The following DPP10 variants were observed in gnomAD, a reference collection of about 807,000 sequenced individuals.
DPP10 encodes the protein dipeptidyl peptidase like 10.
A neutral mutation model predicts 120.9 loss-of-function variants in DPP10; 33 were observed. The observed-to-expected ratio is 0.27, with a 90% CI of 0.21 to 0.37. DPP10 has a LOEUF of 0.37. Among genes scored for constraint, DPP10 ranks in the 10% least tolerant of loss-of-function variants. The pLI, the probability that DPP10 is intolerant of heterozygous loss-of-function variation, is 1.00. For synonymous variants in DPP10, 337 were observed against 326.1 expected (o/e 1.03, Z -0.36); for missense variants, 816 against 942.8 (o/e 0.87, Z 1.76).
chr2:115,166,524 AAT>A (rs561639756), intron 1 of DPP10, among the ~76,000 whole-genome samples: 1,569 of 142,120 alleles, frequency 0.011, 74 homozygotes, highest in African/African-American at 0.028. Context: ...TTATAATATA[AAT>A]ATATATATAA....
chr2:115,125,770 G>A (rs146287130), intron 1 of DPP10, among the ~76,000 whole-genome samples: 1,887 of 151,798 alleles, frequency 0.012, 34 homozygotes, highest in African/African-American at 0.043. Context: ...TTCTAATAGA[G>A]ACCGGGTTTC....
chr2:115,217,933 C>T (rs1192923124), intron 1 of DPP10, among the ~76,000 whole-genome samples: 1 of 152,160 alleles, frequency 6.6e-6, no homozygotes, highest in Non-Finnish European at 1.5e-5. Context: ...GCTCCCACGT[C>T]ATGCTCTGCT....
At chr2:115,533,028 T>A (rs899046615) in intron 5 of DPP10, among the ~76,000 whole-genome samples, 5 of 152,028 alleles carry the variant, frequency 3.3e-5, no homozygotes. Flanking sequence ...GAAATCAATT[T>A]TTTTAAAATT....
At chr2:115,242,765 A>G (rs1202051630) in intron 1 of DPP10, among the ~76,000 whole-genome samples, 1 of 149,638 alleles carries the variant, frequency 6.7e-6, no homozygotes, top group East Asian at 2.0e-4. Context: ...GTCATTAGTG[A>G]GATTGAGCAT....
chr2:115,077,324 A>T (rs933447340), intron 1 of DPP10, among the ~76,000 whole-genome samples: 3 of 152,202 alleles, frequency 2.0e-5, no homozygotes, highest in Non-Finnish European at 4.4e-5. Flanking sequence ...TTAAAAAGAT[A>T]AAAGAATTAT....
At chr2:115,738,997 C>T (rs577399489) in intron 8 of DPP10, among the ~76,000 whole-genome samples, 3 of 152,190 alleles carry the variant, frequency 2.0e-5, no homozygotes, top group African/African-American at 7.2e-5. Context: ...CTCCTATGAC[C>T]ATGAAGATGA....
chr2:115,701,624 T>A (rs1465386450), intron 7 of DPP10, among the ~76,000 whole-genome samples: 1 of 152,042 alleles, frequency 6.6e-6, no homozygotes, highest in Non-Finnish European at 1.5e-5. Context: ...AACTTAAAAC[T>A]TTTGTGCATC....
intron 1 of DPP10, among the ~76,000 whole-genome samples, chr2:114,501,592 G>A (rs959049597): frequency 5.9e-5 from 9 of 152,048 alleles, no homozygotes; most frequent in East Asian, 1.9e-4. Flanking sequence ...GAAATACCCC[G>A]TTAGCAATCC....
chr2:115,255,263 G>A lies in DPP10; in HGVS notation c.61-53976G>A, dbSNP rs189211548. Reference sequence around the variant, plus strand: ...CTTGGAGCTTGCAGCCTCTGTACCCGTGGCCTGAGCTGTACCTTGGTCCCT... The same window carrying A: ...CTTGGAGCTTGCAGCCTCTGTACCCATGGCCTGAGCTGTACCTTGGTCCCT... On this transcript the variant is annotated intron_variant, in intron 1 of 25. Coordinates refer to ENST00000410059, the MANE Select transcript of DPP10 (RefSeq NM_020868.6). Among the ~76,000 whole-genome samples, 682 of 152,282 alleles carry A rather than the reference G, an allele frequency of 4.5e-3. 10 individuals carry two copies. The highest frequency in any genetic ancestry group is 0.024 in the Admixed American group (365 of 15,300).
chr2:115,149,499 C>T (rs1232990627), intron 1 of DPP10, among the ~76,000 whole-genome samples: 2 of 152,122 alleles, frequency 1.3e-5, no homozygotes, highest in Non-Finnish European at 2.9e-5. Context: ...TAATTTTTAT[C>T]CTTATTGAAG....
At chr2:115,635,458 C>G (rs2086250753) in intron 5 of DPP10, among the ~76,000 whole-genome samples, 1 of 152,214 alleles carries the variant, frequency 6.6e-6, no homozygotes, top group Non-Finnish European at 1.5e-5. Flanking sequence ...CTTGCCCTGT[C>G]TGACTCCTAG....
chr2:115,519,769 C>G (rs986741011), intron 4 of DPP10, among the ~76,000 whole-genome samples: 1 of 152,130 alleles, frequency 6.6e-6, no homozygotes, highest in Non-Finnish European at 1.5e-5. Context: ...TCAACTAGAT[C>G]GTAATCTTTT....
At chr2:114,619,171 T>G (rs1693894582) in intron 1 of DPP10, among the ~76,000 whole-genome samples, 1 of 152,032 alleles carries the variant, frequency 6.6e-6, no homozygotes, top group Non-Finnish European at 1.5e-5. Flanking sequence ...TGGATTATGA[T>G]GAGGAAACAG....
chr2:115,506,254 T>C (rs1039928204), intron 4 of DPP10, among the ~76,000 whole-genome samples: 1 of 152,096 alleles, frequency 6.6e-6, no homozygotes, highest in East Asian at 1.9e-4. Flanking sequence ...TATATTAAAT[T>C]AGTATTTTAG....
intron 3 of DPP10, among the ~76,000 whole-genome samples, chr2:115,465,400 G>C (rs765295672): frequency 4.6e-5 from 7 of 152,122 alleles, no homozygotes; most frequent in Admixed American, 6.5e-5. Context: ...TGAGGAAGGA[G>C]AACTACTGAA....
At chr2:115,356,280 T>C (rs2064381854) in intron 3 of DPP10, among the ~76,000 whole-genome samples, 1 of 152,074 alleles carries the variant, frequency 6.6e-6, no homozygotes, top group Non-Finnish European at 1.5e-5. Context: ...CATCCCTAGT[T>C]AGCTATATTC....
chr2:115,223,511 T>C (rs2057284590), intron 1 of DPP10, among the ~76,000 whole-genome samples: 2 of 152,130 alleles, frequency 1.3e-5, no homozygotes, highest in East Asian at 1.9e-4. Context: ...ATAAGACATA[T>C]TTGGTTTGGC....
chr2:115,554,157 T>C (rs1218171809), intron 5 of DPP10, among the ~76,000 whole-genome samples: 2 of 151,896 alleles, frequency 1.3e-5, no homozygotes, highest in African/African-American at 4.8e-5. Context: ...CCTAGAATTT[T>C]GACCCTACAT....
At chr2:115,103,919 A>C (rs2104636446) in intron 1 of DPP10, among the ~76,000 whole-genome samples, 1 of 152,264 alleles carries the variant, frequency 6.6e-6, no homozygotes, top group Non-Finnish European at 1.5e-5. Context: ...CAGATGCTTT[A>C]ATATTTGCAT....
Sources: gnomAD v4.1 joint callset for allele counts (sites outside exome capture counted in the v4.1 genomes callset) on GRCh38, gnomAD v4.1.1 for gene constraint, MANE v1.5 for transcripts, NCBI Gene and HGNC (gene_info 2026-07-23, HGNC 2026-07-21) for gene names.